ST8SIA3: variants seen among roughly 807,000 people sequenced by gnomAD.
ST8SIA3 encodes the protein ST8 alpha-N-acetyl-neuraminide alpha-2,8-sialyltransferase 3.
ST8SIA3 carries 17 observed loss-of-function variants against 34.5 expected under a neutral mutation model. That is an observed-to-expected ratio of 0.49 (90% CI 0.34 to 0.74). The LOEUF is 0.74. Ranked by LOEUF, ST8SIA3 falls within the 30% of genes least tolerant of loss-of-function variation. The pLI is 0.01. For synonymous variants in ST8SIA3, 172 were observed against 176.1 expected (o/e 0.98, Z 0.19); for missense variants, 354 against 467.8 (o/e 0.76, Z 2.24).
rs960967030 is a variant in ST8SIA3, at chr18:57,363,287, A to G, written c.*3010A>G. On this transcript the variant is annotated 3_prime_UTR_variant, in exon 4 of 4. Transcript: ENST00000324000. Reference sequence around the variant, plus strand: ...TGGTTATTCTGAGTGTCATATGCAGATGCAGATCCAAGGGAGACAGGGCTA... The same window carrying G: ...TGGTTATTCTGAGTGTCATATGCAGGTGCAGATCCAAGGGAGACAGGGCTA... 6.6e-6 allele frequency: 1 copy of G among 152,236 alleles called. No individual in the cohort carries two copies. The highest frequency in any genetic ancestry group is 1.5e-5 in the Non-Finnish European group (1 of 68,038). The allele number at this position is 152,236 out of a possible 1,614,324, so 9.4% of individuals were successfully genotyped here.
rs1422593027 is a variant in ST8SIA3, at chr18:57,367,322, A to G, written c.*7045A>G. ...TTCTTTCTTCCTAATGGTCATTGAAATGAGCTTGTTTCTCTACATTGAGCA... is the reference window on the plus strand; with the variant it reads ...TTCTTTCTTCCTAATGGTCATTGAAGTGAGCTTGTTTCTCTACATTGAGCA... On this transcript the variant is annotated 3_prime_UTR_variant, in exon 4 of 4. Coordinates refer to ENST00000324000, the MANE Select transcript of ST8SIA3 (RefSeq NM_015879.3). The G allele has an allele frequency of 5.2e-5, 8 of 152,458 alleles. No individual in the cohort carries two copies. The East Asian group carries it at 1.5e-3, about 29-fold the overall frequency. 9.4% of individuals were successfully genotyped at this position (152,458 alleles called of 1,614,324 possible).
chr18:57,357,513 G>A (rs1045212089), intron 3 of ST8SIA3, 43 bp downstream of exon 3: 11 of 1,467,842 alleles, frequency 7.5e-6, no homozygotes, highest in Non-Finnish European at 1.0e-5. Flanking sequence ...CCACCAGATG[G>A]CAAATCAATG....
chr18:57,360,111 T>C lies in ST8SIA3; in HGVS notation c.977T>C (p.Phe326Ser). ...TTGTATGGATTTTGGCCGTTTGGATTTGACCCCAACACAAGGGAAGATCTT... is the reference window on the plus strand; with the variant it reads ...TTGTATGGATTTTGGCCGTTTGGATCTGACCCCAACACAAGGGAAGATCTT... ...IHLYGFWPFG[F>S]DPNTREDLPY... The change falls in exon 4 of 4, where the codon TTT (phenylalanine) becomes TCT (serine). Residue 326 changes from phenylalanine to serine, a missense_variant. This residue lies in a region of ST8SIA3 where 166 missense variants were observed against 245.2 expected (regional missense o/e 0.68). Coordinates refer to ENST00000324000, the MANE Select transcript of ST8SIA3 (RefSeq NM_015879.3). 1.2e-6 allele frequency: 2 copies of C among 1,614,176 alleles called. No homozygotes were observed. The highest frequency in any genetic ancestry group is 1.7e-6 in the Non-Finnish European group (2 of 1,180,022).
Position 57,357,378 on chromosome 18 carries a change from G to T in ST8SIA3, c.768G>T (p.Val256=). Residue 256 remains valine (V), a synonymous_variant, in exon 3 of 4, where the codon GTG becomes GTT. Coordinates refer to ENST00000324000, the MANE Select transcript of ST8SIA3 (RefSeq NM_015879.3). The part of the protein sequence containing the change: ...PAFFFHTSAT[V]TRTLVDFFVE... ...TTTTCTTCCACACTTCAGCAACTGT[G>T]ACCAGGACATTAGTTGACTTTTTTG... 1 of 1,613,158 alleles carries T rather than the reference G, an allele frequency of 6.2e-7. No homozygotes were observed. The highest frequency in any genetic ancestry group is 1.1e-5 in the South Asian group (1 of 91,082).
chr18:57,355,702 T>C (rs1310517298), intron 2 of ST8SIA3, among the ~76,000 whole-genome samples: 1 of 152,182 alleles, frequency 6.6e-6, no homozygotes, highest in Non-Finnish European at 1.5e-5. Flanking sequence ...AACATGTTTC[T>C]AACTCAATAA....
Position 57,354,420 on chromosome 18 carries a change from G to A in ST8SIA3, c.198G>A (p.Lys66=). Residue 66 remains lysine (K), a synonymous_variant, in exon 2 of 4, where the codon AAG becomes AAA. Coordinates refer to ENST00000324000, the MANE Select transcript of ST8SIA3 (RefSeq NM_015879.3). ...HAGFRSQFAL[K]FLDPSFVPIT... ...TCTCCAGGTCACAATTTGCGCTGAA[G>A]TTTCTAGACCCGTCATTCGTGCCCA... The A allele has an allele frequency of 6.2e-7, 1 of 1,614,122 alleles. No homozygotes were observed. Among genetic ancestry groups the A allele is most frequent in the Non-Finnish European group, 8.5e-7 (1 of 1,179,994 alleles).
chr18:57,356,004 A>G (rs1232159520), intron 2 of ST8SIA3, among the ~76,000 whole-genome samples: 2 of 152,220 alleles, frequency 1.3e-5, no homozygotes, highest in Non-Finnish European at 2.9e-5. Flanking sequence ...TTCCTGCTAC[A>G]TTTAGGCAAA....
At chr18:57,354,935 G>A (rs942276224) in intron 2 of ST8SIA3, among the ~76,000 whole-genome samples, 2 of 151,614 alleles carry the variant, frequency 1.3e-5, no homozygotes, top group Admixed American at 6.6e-5. Context: ...AAAAAAACTT[G>A]AAAAATAGAA....
intron 1 of ST8SIA3, among the ~76,000 whole-genome samples, chr18:57,353,841 G>A (rs1401450135): frequency 1.3e-5 from 2 of 152,216 alleles, no homozygotes; most frequent in African/African-American, 2.4e-5. Context: ...CTGGGACCGA[G>A]GCGAGGAACC....
chr18:57,366,351 C>G lies in ST8SIA3; in HGVS notation c.*6074C>G, dbSNP rs537774477. ...AACCTCTCAACAGACTCCCCAGTAT[C>G]TTGGGAGATTACCAACTGTGGCTTT... On this transcript the variant is annotated 3_prime_UTR_variant, in exon 4 of 4. Transcript: ENST00000324000. The G allele has an allele frequency of 2.0e-5, 3 of 152,734 alleles. No homozygotes were observed. The highest frequency in any genetic ancestry group is 2.1e-4 in the South Asian group (1 of 4,822). 9.5% of individuals were successfully genotyped at this position (152,734 alleles called of 1,614,324 possible). A position where few individuals can be genotyped will look rare whatever the true frequency, so the allele number is the denominator to read the frequency against.
chr18:57,353,429 C>T (rs1046509147), intron 1 of ST8SIA3, among the ~76,000 whole-genome samples: 4 of 152,050 alleles, frequency 2.6e-5, no homozygotes, highest in African/African-American at 4.8e-5. Flanking sequence ...CTCCGCGGGC[C>T]GGGCCCGGGG....
intron 2 of ST8SIA3, 133 bp from the exon 3 acceptor site, chr18:57,356,780 A>T (rs777667210): frequency 2.1e-5 from 13 of 625,338 alleles, no homozygotes; most frequent in Non-Finnish European, 3.6e-5. Flanking sequence ...AAGGACCACA[A>T]TTATGTATGT....
At position 57,360,459 on chromosome 18, in the gene ST8SIA3, C is replaced by G; in HGVS notation, c.*182C>G. On this transcript the variant is annotated 3_prime_UTR_variant, in exon 4 of 4. Transcript: ENST00000324000. The stretch of plus-strand genomic sequence containing the variant: ...TTTAGCAGATTTAGCAGGACAGATG[C>G]ATTGAAGCCACATGGTTTAGACTTG... 4.8e-6 allele frequency: 3 copies of G among 625,646 alleles called. No homozygotes were observed. Among genetic ancestry groups the G allele is most frequent in the East Asian group, 2.8e-5 (1 of 36,126 alleles). 38.8% of individuals were successfully genotyped at this position (625,646 alleles called of 1,614,324 possible).
rs2049856378 is a variant in ST8SIA3 at position 57,365,632 on chromosome 18, G to C, written c.*5355G>C. The C allele has an allele frequency of 6.6e-6, 1 of 152,114 alleles. No individual in the cohort carries two copies. The highest frequency in any genetic ancestry group is 2.4e-5 in the African/African-American group (1 of 41,428). The allele number at this position is 152,114 out of a possible 1,614,324, so 9.4% of individuals were successfully genotyped here. On this transcript the variant is annotated 3_prime_UTR_variant, in exon 4 of 4. Coordinates refer to ENST00000324000, the MANE Select transcript of ST8SIA3 (RefSeq NM_015879.3). Reference sequence around the variant, plus strand: ...CCAGAGCCTAAAATATTTATCTAAGGGGTCTGATTTATCAACCTCAGGTAG... The same window carrying C: ...CCAGAGCCTAAAATATTTATCTAAGCGGTCTGATTTATCAACCTCAGGTAG...
chr18:57,355,275 C>T (rs2049792804), intron 2 of ST8SIA3, among the ~76,000 whole-genome samples: 1 of 152,142 alleles, frequency 6.6e-6, no homozygotes, highest in South Asian at 2.1e-4. Flanking sequence ...CTCATTACTC[C>T]TTCCTTCATG....
Position 57,360,299 on chromosome 18 carries a change from A to G in ST8SIA3, c.*22A>G. ...CTAAGAACTCCAAACGGAAAGCGCC[A>G]AATGGCTGTTTAAAAAGTGCCCCAA... On this transcript the variant is annotated 3_prime_UTR_variant, in exon 4 of 4. Transcript: ENST00000324000. The G allele has an allele frequency of 6.2e-7, 1 of 1,602,472 alleles. No individual in the cohort carries two copies. Among genetic ancestry groups the G allele is most frequent in the Non-Finnish European group, 8.5e-7 (1 of 1,172,520 alleles).
rs185034079 is a variant in ST8SIA3, at chr18:57,356,288, A to G, written c.303-625A>G. Among the ~76,000 whole-genome samples, 519 of 152,340 alleles carry G rather than the reference A, an allele frequency of 3.4e-3. 5 individuals carry two copies. Among genetic ancestry groups the G allele is most frequent in the Non-Finnish European group, 4.6e-3 (312 of 68,026 alleles). On this transcript the variant is annotated intron_variant, in intron 2 of 3. Coordinates refer to ENST00000324000, the MANE Select transcript of ST8SIA3 (RefSeq NM_015879.3). ...TTATTCAACTAAATTGTGTTTCTAT[A>G]TAATCAAGTAGAAAAAACTCCCTGT...
intron 2 of ST8SIA3, among the ~76,000 whole-genome samples, chr18:57,355,108 G>T (rs181621482): frequency 1.4e-4 from 22 of 152,244 alleles, no homozygotes; most frequent in Non-Finnish European, 2.5e-4. Flanking sequence ...TTACTGTAAA[G>T]GTACCTAACT....
chr18:57,355,777 A>G (rs1185975481), intron 2 of ST8SIA3, among the ~76,000 whole-genome samples: 1 of 152,194 alleles, frequency 6.6e-6, no homozygotes, highest in East Asian at 1.9e-4. Context: ...TTTCCTTCTC[A>G]AAACTTCGCT....
Sources: gnomAD v4.1 joint callset for allele counts (sites outside exome capture counted in the v4.1 genomes callset) on GRCh38, gnomAD v4.1.1 for gene constraint, gnomAD v4.1.1 regional missense constraint, MANE v1.5 for transcripts, NCBI Gene and HGNC (gene_info 2026-07-23, HGNC 2026-07-21) for gene names.